GLIS3: variants seen among roughly 807,000 people sequenced by gnomAD.
The protein encoded by GLIS3 is zinc finger protein GLIS3.
Under a neutral mutation model 78.6 loss-of-function variants are expected in GLIS3, and 53 were observed. That is an observed-to-expected ratio of 0.67 (90% CI 0.54 to 0.85). The LOEUF is 0.85. Among genes scored for constraint, GLIS3 ranks in the 40% least tolerant of loss-of-function variants. GLIS3 has a pLI of 0.00. For missense variants in GLIS3, 1,703 were observed against 1,231.1 expected (o/e 1.38, Z -5.74); for synonymous variants, 684 against 509.9 (o/e 1.34, Z -4.60).
chr9:4,247,536 C>G (rs1047484622), intron 2 of GLIS3, among the ~76,000 whole-genome samples: 1 of 152,156 alleles, frequency 6.6e-6, no homozygotes, highest in Admixed American at 6.6e-5. Context: ...AGCCCATCCA[C>G]AGATTCCCTA....
intron 9 of GLIS3, among the ~76,000 whole-genome samples, chr9:3,850,597 A>G (rs1367670881): frequency 6.6e-6 from 1 of 152,040 alleles, no homozygotes; most frequent in Non-Finnish European, 1.5e-5. Context: ...TAATGTTCCT[A>G]CCTCTCCCAT....
chr9:4,446,988 C>T, the GLIS3 span, among the ~76,000 whole-genome samples: 3 of 152,086 alleles, frequency 2.0e-5, no homozygotes, highest in African/African-American at 7.2e-5. Flanking sequence ...TACTCTGCTA[C>T]CCTTACTCTT....
At chr9:4,315,387 C>G (rs181750611) in intron 2 of GLIS3, among the ~76,000 whole-genome samples, 1 of 152,290 alleles carries the variant, frequency 6.6e-6, no homozygotes, top group African/African-American at 2.4e-5. Context: ...GGCCTGCTCA[C>G]TCAGTCCATG....
chr9:3,824,282 A>C lies in GLIS3; in HGVS notation c.*3990T>G. On this transcript the variant is annotated 3_prime_UTR_variant, in exon 11 of 11. Transcript: ENST00000381971. ...TAAATCCAGGCTACAGCTCTGGCCC[A>C]AAGCAATGCAGCATTTTAAAGCTGG... 6.6e-6 allele frequency: 1 copy of C among 152,616 alleles called. No individual in the cohort carries two copies. Among genetic ancestry groups the C allele is most frequent in the East Asian group, 1.9e-4 (1 of 5,188 alleles). 9.5% of individuals were successfully genotyped at this position (152,616 alleles called of 1,614,324 possible). A position where few individuals can be genotyped will look rare whatever the true frequency, so the allele number is the denominator to read the frequency against.
At chr9:4,021,771 T>C (rs1822906474) in intron 4 of GLIS3, among the ~76,000 whole-genome samples, 1 of 152,152 alleles carries the variant, frequency 6.6e-6, no homozygotes. Context: ...GCAAAAACAC[T>C]TGCCAAGCTT....
chr9:4,358,591 C>T, the GLIS3 span, among the ~76,000 whole-genome samples: 18 of 152,276 alleles, frequency 1.2e-4, no homozygotes, highest in South Asian at 6.2e-4. Context: ...TATTGGCCTT[C>T]GTAATCCTTA....
intron 4 of GLIS3, among the ~76,000 whole-genome samples, chr9:4,090,829 T>C: frequency 6.6e-6 from 1 of 152,212 alleles, no homozygotes; most frequent in East Asian, 1.9e-4. Flanking sequence ...ACTATTACTA[T>C]TGCTGGTATG....
At chr9:4,225,219 C>G (rs1318547593) in intron 2 of GLIS3, among the ~76,000 whole-genome samples, 3 of 152,102 alleles carry the variant, frequency 2.0e-5, no homozygotes, top group African/African-American at 7.2e-5. Flanking sequence ...TTTTCCCCTA[C>G]AACTGCAAAA....
intron 4 of GLIS3, among the ~76,000 whole-genome samples, chr9:3,969,809 T>C (rs904490655): frequency 6.6e-6 from 1 of 152,168 alleles, no homozygotes; most frequent in African/African-American, 2.4e-5. Flanking sequence ...ACAGGAAAGC[T>C]AGGCAATCCA....
At chr9:4,151,377 A>G (rs1402243608) in intron 2 of GLIS3, among the ~76,000 whole-genome samples, 1 of 152,226 alleles carries the variant, frequency 6.6e-6, no homozygotes, top group Non-Finnish European at 1.5e-5. Flanking sequence ...CAGCTAAACC[A>G]CAGGTTTTAT....
intron 4 of GLIS3, among the ~76,000 whole-genome samples, chr9:4,112,756 T>A (rs1437221495): frequency 6.6e-6 from 1 of 152,190 alleles, no homozygotes; most frequent in Non-Finnish European, 1.5e-5. Context: ...TATTTTTAGA[T>A]AAAATATATC....
At chr9:4,038,962 T>G (rs147745513) in intron 4 of GLIS3, among the ~76,000 whole-genome samples, 60 of 152,308 alleles carry the variant, frequency 3.9e-4, no homozygotes, top group Admixed American at 2.0e-3. Flanking sequence ...GCCCTCCCCA[T>G]GTCTTCTCTC....
intron 4 of GLIS3, chr9:4,081,358 T>C (rs1262629135): frequency 5.9e-5 from 9 of 152,258 alleles, no homozygotes; most frequent in Non-Finnish European, 1.5e-5. Flanking sequence ...GCCAGCTGTG[T>C]AGTAAATTAG....
intron 2 of GLIS3, among the ~76,000 whole-genome samples, chr9:4,222,533 G>C (rs1020880874): frequency 2.0e-5 from 3 of 152,290 alleles, no homozygotes; most frequent in Admixed American, 1.3e-4. Flanking sequence ...AATAGACCCA[G>C]CCAAGACTTT....
At chr9:4,223,228 C>T (rs1821484385) in intron 2 of GLIS3, among the ~76,000 whole-genome samples, 2 of 152,194 alleles carry the variant, frequency 1.3e-5, no homozygotes, top group Admixed American at 6.5e-5. Flanking sequence ...CACCCCAGCA[C>T]ATTGCCACAT....
chr9:4,004,415 A>T (rs1460567403), intron 4 of GLIS3, among the ~76,000 whole-genome samples: 2 of 152,154 alleles, frequency 1.3e-5, no homozygotes, highest in Admixed American at 6.5e-5. Context: ...ATACCAAAAA[A>T]ATGTTTTTGA....
chr9:4,416,305 A>G, the GLIS3 span, among the ~76,000 whole-genome samples: 1 of 150,312 alleles, frequency 6.7e-6, no homozygotes, highest in South Asian at 2.1e-4. Context: ...TTAATATTCA[A>G]TGGAAAAAAT....
At chr9:4,353,445 G>A in the GLIS3 span, among the ~76,000 whole-genome samples, 1 of 152,138 alleles carries the variant, frequency 6.6e-6, no homozygotes, top group Non-Finnish European at 1.5e-5. Flanking sequence ...TGAGCCTCAG[G>A]ATTCCAAAGT....
At chr9:4,412,268 CTT>C in the GLIS3 span, among the ~76,000 whole-genome samples, 1 of 152,204 alleles carries the variant, frequency 6.6e-6, no homozygotes, top group Non-Finnish European at 1.5e-5. Context: ...AACAATGTGA[CTT>C]TGTTACATTT....
Sources: gnomAD v4.1 joint callset for allele counts (sites outside exome capture counted in the v4.1 genomes callset) on GRCh38, gnomAD v4.1.1 for gene constraint, MANE v1.5 for transcripts, NCBI Gene and HGNC (gene_info 2026-07-23, HGNC 2026-07-21) for gene names.